Variants in VPS8 observed in about 807,000 individuals in gnomAD.
The protein encoded by VPS8 is VPS8 subunit of CORVET complex.
Under a neutral mutation model 216.4 loss-of-function variants are expected in VPS8, and 129 were observed. That is an observed-to-expected ratio of 0.60 (90% CI 0.52 to 0.69). The LOEUF (loss-of-function observed/expected upper bound fraction) is 0.69. Ranked by LOEUF, VPS8 falls within the 30% of genes least tolerant of loss-of-function variation. The pLI is 0.00. For missense variants in VPS8, 1,531 were observed against 1,683.5 expected (o/e 0.91, Z 1.59); for synonymous variants, 571 against 565.4 (o/e 1.01, Z -0.14).
rs902342792 is a variant in VPS8, at chr3:184,981,536, C to T, written c.3421-1030C>T. Among the ~76,000 whole-genome samples the T allele has an allele frequency of 1.2e-4, 18 of 150,134 alleles. 1 individual carries two copies. The highest frequency in any genetic ancestry group is 3.9e-4 in the African/African-American group (16 of 40,606). ...GCAACCTCCGCCTCCCAGGTACAAG[C>T]GATTCTCCTGCCTCAGCCTCCTGAG... On this transcript the variant is annotated intron_variant, in intron 40 of 47. Transcript: ENST00000625842.
intron 28 of VPS8, among the ~76,000 whole-genome samples, chr3:184,919,692 C>T (rs1420757131): frequency 6.6e-6 from 1 of 152,000 alleles, no homozygotes; most frequent in African/African-American, 2.4e-5. Context: ...TCTTAATTGT[C>T]ATGGAAATTG....
At chr3:184,877,098 A>G (rs1729408622) in intron 21 of VPS8, among the ~76,000 whole-genome samples, 1 of 152,168 alleles carries the variant, frequency 6.6e-6, no homozygotes, top group South Asian at 2.1e-4. Context: ...CTCTTTACCC[A>G]GAGCCTTTGT....
rs1038645419 is a variant in VPS8 at position 184,989,438 on chromosome 3, T to C, written c.3586-4545T>C. 2.0e-5 allele frequency among the ~76,000 whole-genome samples: 3 copies of C among 152,124 alleles called. No individual in the cohort carries two copies. The South Asian group carries it at 6.2e-4, about 32-fold the overall frequency. On this transcript the variant is annotated intron_variant, in intron 42 of 47. Coordinates refer to ENST00000625842, the MANE Select transcript of VPS8 (RefSeq NM_001009921.3). ...AATTGATTTTTCTTGTCTTTTTTTT[T>C]TCCTTTTTTGTGGAGAATGGGGTCT...
chr3:184,825,627 C>T (rs564832272), intron 2 of VPS8, among the ~76,000 whole-genome samples: 15 of 152,266 alleles, frequency 9.9e-5, no homozygotes, highest in Non-Finnish European at 2.1e-4. Flanking sequence ...GTAGGCCGGG[C>T]GTGGTGGCTC....
At chr3:184,836,262 T>C in intron 5 of VPS8, 1 of 456,758 alleles carries the variant, frequency 2.2e-6, no homozygotes, top group Non-Finnish European at 4.4e-6. Context: ...GAGTAACTCA[T>C]ATTTGCTAGA....
intron 21 of VPS8, among the ~76,000 whole-genome samples, chr3:184,879,473 A>G (rs1729893340): frequency 6.6e-6 from 1 of 152,150 alleles, no homozygotes; most frequent in South Asian, 2.1e-4. Flanking sequence ...CACAGTGTCT[A>G]TCTCGAAAGC....
chr3:184,999,350 C>T (rs1166993568), intron 44 of VPS8, among the ~76,000 whole-genome samples: 2 of 152,234 alleles, frequency 1.3e-5, no homozygotes, highest in Admixed American at 1.3e-4. Flanking sequence ...TGAGCCACCA[C>T]GCCCAGCCCC....
chr3:185,018,605 C>T (rs1414757535), intron 45 of VPS8, among the ~76,000 whole-genome samples: 1 of 152,196 alleles, frequency 6.6e-6, no homozygotes, highest in Non-Finnish European at 1.5e-5. Context: ...ATAAGAGCGT[C>T]CCAGTCAGTA....
chr3:184,976,791 G>T (rs1749337056), intron 40 of VPS8, among the ~76,000 whole-genome samples: 1 of 152,104 alleles, frequency 6.6e-6, no homozygotes, highest in Non-Finnish European at 1.5e-5. Context: ...CAAAGGACAT[G>T]ATTTCATTCT....
In VPS8 at chr3:185,012,670, A is replaced by T. The variant is rs181911130; in HGVS notation, c.4003-11666A>T. The stretch of plus-strand genomic sequence containing the variant: ...TGATGGCTGATTTCTCATTTAAAAA[A>T]AAAAAGAGGCCAGAAGACAATAAGC... On this transcript the variant is annotated intron_variant, in intron 45 of 47. Transcript: ENST00000625842. Among the ~76,000 whole-genome samples the T allele has an allele frequency of 2.5e-4, 38 of 152,278 alleles. No homozygotes were observed. In the East Asian group the frequency reaches 4.8e-3, roughly 19 times the overall value.
intron 21 of VPS8, among the ~76,000 whole-genome samples, chr3:184,880,916 T>C (rs1730156134): frequency 6.6e-6 from 1 of 152,218 alleles, no homozygotes; most frequent in South Asian, 2.1e-4. Context: ...TGACTAATGA[T>C]GTTAAACATC....
chr3:184,926,589 G>A lies in VPS8; in HGVS notation c.2575-5G>A. ...TCAAATAAAAAATACTTTTTCTTCG[G>A]CCAGGTCCTTGAATTCCTTTGTAGT... On this transcript the variant is annotated splice_polypyrimidine_tract_variant and splice_region_variant and intron_variant, in intron 30 of 47. Coordinates refer to ENST00000625842, the MANE Select transcript of VPS8 (RefSeq NM_001009921.3). The A allele has an allele frequency of 8.8e-6, 14 of 1,594,132 alleles. No individual in the cohort carries two copies. The highest frequency in any genetic ancestry group is 1.2e-5 in the Non-Finnish European group (14 of 1,169,940).
At chr3:184,822,612 T>C (rs532959629) in intron 1 of VPS8, among the ~76,000 whole-genome samples, 1 of 152,362 alleles carries the variant, frequency 6.6e-6, no homozygotes, top group Admixed American at 6.5e-5. Context: ...AATAACTATC[T>C]TTAGGAACCA....
intron 46 of VPS8, among the ~76,000 whole-genome samples, chr3:185,027,357 C>T (rs1757532208): frequency 6.6e-6 from 1 of 151,502 alleles, no homozygotes; most frequent in South Asian, 2.1e-4. Flanking sequence ...ATTCTCCTGC[C>T]TCAGCCTCCC....
rs1460996957 is a variant in VPS8 at position 184,902,596 on chromosome 3, C to CTGAGGTGGGCGGATCACGAGG, written c.2146+1626_2146+1646dup. ...CCTGTAATCCCAGCACTTTGGGAGG[C>CTGAGGTGGGCGGATCACGAGG]TGAGGTGGGCGGATCACGAGGTCAG... On this transcript the variant is annotated intron_variant, in intron 25 of 47. Coordinates refer to ENST00000625842, the MANE Select transcript of VPS8 (RefSeq NM_001009921.3). 2.0e-5 allele frequency among the ~76,000 whole-genome samples: 3 copies of CTGAGGTGGGCGGATCACGAGG among 151,574 alleles called. No homozygotes were observed. In the East Asian group the frequency reaches 5.8e-4, roughly 29 times the overall value.
intron 22 of VPS8, among the ~76,000 whole-genome samples, chr3:184,894,330 G>A (rs1400360845): frequency 2.0e-5 from 3 of 152,032 alleles, no homozygotes; most frequent in Non-Finnish European, 4.4e-5. Flanking sequence ...TCTTTAAGAA[G>A]CAATATGCCA....
chr3:184,955,569 G>A (rs1354922379), intron 36 of VPS8, among the ~76,000 whole-genome samples: 1 of 151,922 alleles, frequency 6.6e-6, no homozygotes, highest in Non-Finnish European at 1.5e-5. Context: ...CGTCTTGGTG[G>A]TAGTGGTTCC....
At chr3:184,851,880 G>A (rs761124205) in intron 10 of VPS8, among the ~76,000 whole-genome samples, 8 of 152,128 alleles carry the variant, frequency 5.3e-5, no homozygotes, top group Non-Finnish European at 8.8e-5. Flanking sequence ...CCATACTTCA[G>A]GTCACCTTAG....
chr3:184,970,958 G>C (rs899177665), intron 39 of VPS8, among the ~76,000 whole-genome samples: 19 of 152,076 alleles, frequency 1.2e-4, no homozygotes, highest in Non-Finnish European at 2.9e-5. Context: ...GTGAAGGAGA[G>C]GGAAGCACCA....
Sources: gnomAD v4.1 joint callset for allele counts (sites outside exome capture counted in the v4.1 genomes callset) on GRCh38, gnomAD v4.1.1 for gene constraint, MANE v1.5 for transcripts, NCBI Gene and HGNC (gene_info 2026-07-23, HGNC 2026-07-21) for gene names.